Variants in SRGAP2 observed in about 807,000 individuals in gnomAD.
The protein encoded by SRGAP2 is SLIT-ROBO Rho GTPase activating protein 2.
Under a neutral mutation model 57.2 loss-of-function variants are expected in SRGAP2, and 15 were observed. The observed-to-expected ratio is 0.26, with a 90% CI of 0.18 to 0.40. SRGAP2 has a LOEUF of 0.40. Among genes scored for constraint, SRGAP2 ranks in the 10% least tolerant of loss-of-function variants. SRGAP2 has a pLI of 1.00. For missense variants in SRGAP2, 520 were observed against 669.6 expected (o/e 0.78, Z 2.47); for synonymous variants, 249 against 248.0 (o/e 1.00, Z -0.04).
chr1:206,442,378 C>A (rs2103342763), intron 17 of SRGAP2, among the ~76,000 whole-genome samples: 1 of 152,334 alleles, frequency 6.6e-6, no homozygotes, highest in African/African-American at 2.4e-5. Context: ...CCCTTCAGGG[C>A]TACCAGTCAT....
chr1:206,277,976 C>CAA (rs1355105445), intron 2 of SRGAP2, among the ~76,000 whole-genome samples: 11 of 124,206 alleles, frequency 8.9e-5, no homozygotes, highest in African/African-American at 1.2e-4. Context: ...GAGACTGTCT[C>CAA]AAAAAAAAAA....
At chr1:206,309,881 C>T (rs1189187967) in intron 3 of SRGAP2, among the ~76,000 whole-genome samples, 2 of 150,990 alleles carry the variant, frequency 1.3e-5, no homozygotes, top group Non-Finnish European at 2.9e-5. Context: ...GGACCCCAGG[C>T]TTAGACAATA....
chr1:206,240,563 A>G (rs1337866475), intron 2 of SRGAP2, among the ~76,000 whole-genome samples: 1 of 152,112 alleles, frequency 6.6e-6, no homozygotes, highest in Admixed American at 6.6e-5. Flanking sequence ...TTAGTTTCAT[A>G]TCCAGTTTCT....
intron 2 of SRGAP2, among the ~76,000 whole-genome samples, chr1:206,244,992 A>G (rs1452117998): frequency 2.0e-5 from 3 of 147,794 alleles, no homozygotes; most frequent in South Asian, 2.3e-4. Flanking sequence ...TGACTGTTCA[A>G]GATCCCCATT....
chr1:206,268,083 T>A (rs191412624), intron 2 of SRGAP2, among the ~76,000 whole-genome samples: 112,901 of 137,958 alleles, frequency 0.82, 44,541 homozygotes, highest in South Asian at 0.89. Flanking sequence ...ATATATATAT[T>A]TTTTTTTTTT....
At chr1:206,319,792 A>G (rs1400741566) in intron 3 of SRGAP2, among the ~76,000 whole-genome samples, 1 of 141,306 alleles carries the variant, frequency 7.1e-6, no homozygotes, top group Non-Finnish European at 1.5e-5. Context: ...ACATCTTTGT[A>G]CAATTTTTTG....
At chr1:206,433,835 A>G (rs1433655785) in intron 14 of SRGAP2, among the ~76,000 whole-genome samples, 1 of 152,162 alleles carries the variant, frequency 6.6e-6, no homozygotes, top group Non-Finnish European at 1.5e-5. Context: ...CTCTAAACAA[A>G]TATTTTACAG....
Position 206,450,368 on chromosome 1 carries a change from C to G in SRGAP2, c.2100-18C>G, listed in dbSNP as rs1553375374. The G allele has an allele frequency of 1.3e-6, 1 of 780,552 alleles. No individual in the cohort carries two copies. The highest frequency in any genetic ancestry group is 1.3e-5 in the South Asian group (1 of 74,546). The allele number at this position is 780,552 out of a possible 1,614,324, so 48.4% of individuals were successfully genotyped here. A position where few individuals can be genotyped will look rare whatever the true frequency, so the allele number is the denominator to read the frequency against. On this transcript the variant is annotated intron_variant, in intron 18 of 22. Coordinates refer to ENST00000573034, the MANE Select transcript of SRGAP2 (RefSeq NM_015326.5). ...TGAGCACATGTTAATGTCCCTGTCA[C>G]TCTTGCTTCTGTTGCAGTGATAGCC... is the stretch of plus-strand genomic sequence containing the variant.
chr1:206,347,770 T>A (rs1217581234), intron 4 of SRGAP2, among the ~76,000 whole-genome samples: 1 of 147,964 alleles, frequency 6.8e-6, no homozygotes, highest in East Asian at 2.0e-4. Context: ...AGTTATAGAA[T>A]TAACCTAATT....
At chr1:206,308,773 C>T (rs1432917888) in intron 3 of SRGAP2, among the ~76,000 whole-genome samples, 1 of 151,978 alleles carries the variant, frequency 6.6e-6, no homozygotes, top group African/African-American at 2.4e-5. Context: ...CCTGCCTGAT[C>T]GTATTCTGGG....
intron 2 of SRGAP2, among the ~76,000 whole-genome samples, chr1:206,254,078 C>A (rs1223084448): frequency 8.0e-6 from 1 of 124,596 alleles, no homozygotes; most frequent in Non-Finnish European, 1.6e-5. Context: ...TGGTTTGGCC[C>A]ATCAGGACTA....
chr1:206,375,273 G>A (rs1208587124), intron 4 of SRGAP2, among the ~76,000 whole-genome samples: 1 of 151,838 alleles, frequency 6.6e-6, no homozygotes, highest in Admixed American at 6.6e-5. Context: ...TGTGTCTTTT[G>A]TCCCTTATGT....
At chr1:206,241,114 G>T (rs1399877227) in intron 2 of SRGAP2, among the ~76,000 whole-genome samples, 2 of 152,182 alleles carry the variant, frequency 1.3e-5, no homozygotes, top group East Asian at 3.8e-4. Context: ...AGCCCGGAAG[G>T]TCGAGGCTAC....
At chr1:206,351,494 TC>T (rs1571930278) in intron 4 of SRGAP2, among the ~76,000 whole-genome samples, 1 of 152,188 alleles carries the variant, frequency 6.6e-6, no homozygotes, top group Admixed American at 6.5e-5. Flanking sequence ...GGACAGCTGT[TC>T]CAGTTGCCCA....
chr1:206,438,563 T>C (rs1392812724), intron 16 of SRGAP2, among the ~76,000 whole-genome samples: 3 of 152,234 alleles, frequency 2.0e-5, no homozygotes, highest in Admixed American at 2.0e-4. Flanking sequence ...AAAGTAGTAA[T>C]AGGATATTTT....
intron 16 of SRGAP2, among the ~76,000 whole-genome samples, chr1:206,439,708 G>C (rs1463857843): frequency 6.6e-6 from 1 of 152,174 alleles, no homozygotes; most frequent in Non-Finnish European, 1.5e-5. Context: ...AACGAGTTTG[G>C]ATTTGGATTT....
intron 16 of SRGAP2, among the ~76,000 whole-genome samples, chr1:206,439,332 C>T (rs1244171431): frequency 6.6e-6 from 1 of 152,152 alleles, no homozygotes; most frequent in Non-Finnish European, 1.5e-5. Flanking sequence ...AATATCACTA[C>T]ATACCCAGGG....
intron 15 of SRGAP2, 65 bp downstream of exon 15, chr1:206,437,107 C>T (rs1661832389): frequency 1.3e-6 from 1 of 775,614 alleles, no homozygotes; most frequent in Non-Finnish European, 2.4e-6. Context: ...TGGCTCCACC[C>T]TTTCTTCTCT....
intron 4 of SRGAP2, among the ~76,000 whole-genome samples, chr1:206,347,619 A>G (rs1675737517): frequency 6.6e-6 from 1 of 150,690 alleles, no homozygotes; most frequent in African/African-American, 2.5e-5. Flanking sequence ...AATGAAATGA[A>G]GCTAATGTTT....
Sources: gnomAD v4.1 joint callset for allele counts (sites outside exome capture counted in the v4.1 genomes callset) on GRCh38, gnomAD v4.1.1 for gene constraint, MANE v1.5 for transcripts, NCBI Gene and HGNC (gene_info 2026-07-23, HGNC 2026-07-21) for gene names.